TENM2: variants seen among roughly 807,000 people sequenced by gnomAD.
TENM2 encodes the protein teneurin transmembrane protein 2, also known as teneurin-2.
TENM2 carries 52 observed loss-of-function variants against 245.2 expected under a neutral mutation model. The observed-to-expected ratio is 0.21, with a 90% CI of 0.17 to 0.27. TENM2 has a LOEUF of 0.27. Ranked by LOEUF, TENM2 falls within the 10% of genes least tolerant of loss-of-function variation. TENM2 has a pLI of 1.00. For synonymous variants in TENM2, 1,363 were observed against 1,438.9 expected, an observed-to-expected ratio of 0.95 and a Z score of 1.19; for missense variants, 3,046 against 3,666.8, an observed-to-expected ratio of 0.83 and a Z score of 4.37.
At position 167,760,646 on chromosome 5, in the gene TENM2, A is replaced by G. The variant is rs11955348; in HGVS notation, c.503-115340A>G. On this transcript the variant is annotated intron_variant, in intron 2 of 28. Transcript: ENST00000518659. Reference sequence around the variant, plus strand: ...AGGTTCCACAAGCAGCTGCCTTGTTATTGTTGTTGTTGCTGTTGTTGTTTT... The same window carrying G: ...AGGTTCCACAAGCAGCTGCCTTGTTGTTGTTGTTGTTGCTGTTGTTGTTTT... Among the ~76,000 whole-genome samples, 1,351 of 152,048 alleles carry G rather than the reference A, an allele frequency of 8.9e-3. 22 individuals are homozygous for G. The highest frequency in any genetic ancestry group is 0.031 in the African/African-American group (1,280 of 41,494).
chr5:167,109,270 A>G, the TENM2 span, among the ~76,000 whole-genome samples: 18 of 151,828 alleles, frequency 1.2e-4, no homozygotes, highest in Admixed American at 9.8e-4. Flanking sequence ...ACCCCCAAGA[A>G]CTAATTATAA....
chr5:167,935,392 G>A (rs972753819), intron 3 of TENM2, among the ~76,000 whole-genome samples: 8 of 152,132 alleles, frequency 5.3e-5, no homozygotes, highest in African/African-American at 1.7e-4. Context: ...ACTGATGTGG[G>A]TCACAGGTGC....
intron 2 of TENM2, among the ~76,000 whole-genome samples, chr5:167,787,012 C>T (rs910724225): frequency 6.6e-6 from 1 of 152,116 alleles, no homozygotes; most frequent in Non-Finnish European, 1.5e-5. Flanking sequence ...ACTTAAATAC[C>T]AGACACTTGA....
At chr5:167,428,323 A>G (rs1764003656) in intron 2 of TENM2, among the ~76,000 whole-genome samples, 1 of 152,204 alleles carries the variant, frequency 6.6e-6, no homozygotes, top group Non-Finnish European at 1.5e-5. Flanking sequence ...GAATAAATAC[A>G]ACCAAATTTT....
chr5:167,400,056 T>C (rs934148216), intron 2 of TENM2, among the ~76,000 whole-genome samples: 1 of 152,142 alleles, frequency 6.6e-6, no homozygotes, highest in Non-Finnish European at 1.5e-5. Flanking sequence ...TAGAATTGCA[T>C]AGCAAAGTAT....
At chr5:167,593,670 G>T (rs1197687984) in intron 2 of TENM2, among the ~76,000 whole-genome samples, 2 of 152,150 alleles carry the variant, frequency 1.3e-5, no homozygotes, top group African/African-American at 4.8e-5. Flanking sequence ...ATAAGCTCTG[G>T]ATTTGCCTTT....
chr5:167,804,348 C>T (rs1765997039), intron 2 of TENM2, among the ~76,000 whole-genome samples: 1 of 152,052 alleles, frequency 6.6e-6, no homozygotes, highest in Admixed American at 6.6e-5. Context: ...AGAGCTGATC[C>T]TCTTTCCCAT....
chr5:167,032,950 C>T, the TENM2 span, among the ~76,000 whole-genome samples: 5 of 152,096 alleles, frequency 3.3e-5, no homozygotes, highest in African/African-American at 1.2e-4. Context: ...ATAAAATTCT[C>T]ACCTGAATGA....
At chr5:167,673,666 G>T (rs1443388216) in intron 2 of TENM2, among the ~76,000 whole-genome samples, 1 of 152,054 alleles carries the variant, frequency 6.6e-6, no homozygotes, top group Non-Finnish European at 1.5e-5. Flanking sequence ...CAGGCTGGTG[G>T]TCTCAGAAAA....
At chr5:167,345,787 C>T (rs1441646579) in intron 1 of TENM2, among the ~76,000 whole-genome samples, 3 of 151,586 alleles carry the variant, frequency 2.0e-5, no homozygotes, top group Admixed American at 2.0e-4. Context: ...ATTTGGCAAC[C>T]TGCTGACCCT....
chr5:167,809,388 G>A (rs1470431007), intron 2 of TENM2, among the ~76,000 whole-genome samples: 1 of 152,120 alleles, frequency 6.6e-6, no homozygotes, highest in Non-Finnish European at 1.5e-5. Flanking sequence ...CCATGGATGA[G>A]AGTGAAAATG....
At chr5:167,418,838 G>A (rs1323466451) in intron 2 of TENM2, among the ~76,000 whole-genome samples, 1 of 152,088 alleles carries the variant, frequency 6.6e-6, no homozygotes, top group African/African-American at 2.4e-5. Context: ...AGTGATGTGG[G>A]TTGAGGTGCG....
At chr5:168,015,485 C>A (rs752759534) in intron 5 of TENM2, among the ~76,000 whole-genome samples, 4 of 152,184 alleles carry the variant, frequency 2.6e-5, no homozygotes, top group Non-Finnish European at 4.4e-5. Flanking sequence ...TAAAGTGCTT[C>A]TGAGTTGAAC....
intron 2 of TENM2, among the ~76,000 whole-genome samples, chr5:167,569,234 C>A (rs2127656830): frequency 6.6e-6 from 1 of 151,454 alleles, no homozygotes; most frequent in East Asian, 1.9e-4. Context: ...AAACATTTCC[C>A]CAAAAAAAGT....
chr5:167,954,167 G>GCACA (rs1331194673), intron 4 of TENM2, among the ~76,000 whole-genome samples: 1 of 151,754 alleles, frequency 6.6e-6, no homozygotes, highest in Non-Finnish European at 1.5e-5. Flanking sequence ...TAACGTGTGT[G>GCACA]CACACACACA....
chr5:167,117,736 C>G, the TENM2 span, among the ~76,000 whole-genome samples: 1 of 152,072 alleles, frequency 6.6e-6, no homozygotes, highest in South Asian at 2.1e-4. Context: ...GCAGGTAATT[C>G]TTTGTTGTGG....
chr5:167,386,811 C>G lies in TENM2; in HGVS notation c.502+11338C>G, dbSNP rs150637854. ...TGTTTTTGTTTGCATTGTTGAAGAT[C>G]AGTTCCTGCAAGTATTTGGGCTTAT... is the stretch of plus-strand genomic sequence containing the variant. On this transcript the variant is annotated intron_variant, in intron 2 of 28. Transcript: ENST00000518659. 4.2e-3 allele frequency among the ~76,000 whole-genome samples: 640 copies of G among 152,174 alleles called. 6 individuals are homozygous for G. The highest frequency in any genetic ancestry group is 0.015 in the African/African-American group (617 of 41,538).
At position 168,158,850 on chromosome 5, in the gene TENM2, T is replaced by TATATACACAC. The variant is rs1339051385; in HGVS notation, c.2423-3760_2423-3759insTATACACACA. On this transcript the variant is annotated intron_variant, in intron 12 of 28. Coordinates refer to ENST00000518659, the Ensembl canonical transcript of TENM2. Reference sequence around the variant, plus strand: ...GTGTGTATATATATATATATATATATACACACACACACACACACATATATA... The same window carrying TATATACACAC: ...GTGTGTATATATATATATATATATATATATACACACACACACACACACACACACATATATA... Among the ~76,000 whole-genome samples the TATATACACAC allele has an allele frequency of 3.5e-3, 219 of 62,256 alleles. 3 individuals are homozygous for TATATACACAC. Among genetic ancestry groups the TATATACACAC allele is most frequent in the African/African-American group, 9.7e-3 (158 of 16,308 alleles). The allele number at this position is 62,256 out of a possible 152,430, so 40.8% of individuals were successfully genotyped here. A position where few individuals can be genotyped will look rare whatever the true frequency, so the allele number is the denominator to read the frequency against.
intron 7 of TENM2, among the ~76,000 whole-genome samples, chr5:168,083,099 C>T (rs1792144140): frequency 6.6e-6 from 1 of 152,206 alleles, no homozygotes; most frequent in Non-Finnish European, 1.5e-5. Context: ...GTGGGCTCCA[C>T]CCAGTTCGAG....
Sources: allele counts gnomAD v4.1 joint callset (sites outside exome capture counted in the v4.1 genomes callset), GRCh38; gene constraint gnomAD v4.1.1; transcripts MANE v1.5; gene names NCBI Gene and HGNC (gene_info 2026-07-23, HGNC 2026-07-21).